Variants in SLTM observed in about 807,000 individuals in gnomAD.
SLTM encodes the protein SAFB-like transcription modulator.
A neutral mutation model predicts 134.6 loss-of-function variants in SLTM; 43 were observed. That is an observed-to-expected ratio of 0.32 (90% CI 0.25 to 0.41). The LOEUF (loss-of-function observed/expected upper bound fraction) is 0.41, where lower values mean the gene tolerates loss of function less well. Ranked by LOEUF, SLTM falls within the 10% of genes least tolerant of loss-of-function variation. The probability of loss-of-function intolerance (pLI) is 1.00; values close to 1 mark genes in which losing one functional copy is unlikely to be tolerated. For missense variants in SLTM, 1,055 were observed against 1,288.8 expected, an observed-to-expected ratio of 0.82 and a Z score of 2.78; for synonymous variants, 424 against 432.3, an observed-to-expected ratio of 0.98 and a Z score of 0.24.
At chr15:58,919,463 C>T (rs562576691) in intron 2 of SLTM, among the ~76,000 whole-genome samples, 4 of 152,024 alleles carry the variant, frequency 2.6e-5, no homozygotes, top group South Asian at 4.2e-4. Flanking sequence ...AGCTGGGTGT[C>T]GCGGTGTATG....
At chr15:58,917,217 A>G (rs182367661) in intron 2 of SLTM, among the ~76,000 whole-genome samples, 1 of 152,196 alleles carries the variant, frequency 6.6e-6, no homozygotes, top group Non-Finnish European at 1.5e-5. Context: ...AGAATCCTAC[A>G]TATGAACCCA....
chr15:58,897,003 G>C (rs538480450), intron 9 of SLTM, 112 bp downstream of exon 9: 6 of 695,414 alleles, frequency 8.6e-6, no homozygotes, highest in South Asian at 7.0e-5. Context: ...TCTATTAACA[G>C]TCCTAAGAGA....
chr15:58,894,009 A>G (rs2034873169), intron 11 of SLTM, 22 bp from the exon 12 acceptor site: 1 of 1,601,720 alleles, frequency 6.2e-7, no homozygotes, highest in South Asian at 1.1e-5. Context: ...GCCCCAGACA[A>G]AAAAACAGAA....
Position 58,897,327 on chromosome 15 carries a change from A to T in SLTM, c.1109-94T>A, listed in dbSNP as rs573186849. ...ACATTCTTTCAAAACTATAATTTTGATAGTATGACGTTACTATATCAAAAT... is the reference window on the plus strand; with the variant it reads ...ACATTCTTTCAAAACTATAATTTTGTTAGTATGACGTTACTATATCAAAAT... On this transcript the variant is annotated intron_variant, in intron 8 of 20. Coordinates refer to ENST00000380516, the MANE Select transcript of SLTM (RefSeq NM_024755.4). 246 of 714,346 alleles carry T rather than the reference A, an allele frequency of 3.4e-4. No homozygotes were observed. The East Asian group carries it at 6.1e-3, about 18-fold the overall frequency. The allele number at this position is 714,346 out of a possible 1,614,324, so 44.3% of individuals were successfully genotyped here. A position where few individuals can be genotyped will look rare whatever the true frequency, so the allele number is the denominator to read the frequency against.
At chr15:58,906,394 G>C (rs1384945045) in intron 5 of SLTM, among the ~76,000 whole-genome samples, 2 of 152,158 alleles carry the variant, frequency 1.3e-5, no homozygotes, top group African/African-American at 4.8e-5. Flanking sequence ...TATCTTCACA[G>C]TGGGATGTGC....
chr15:58,907,417 T>A (rs2035937587), intron 5 of SLTM, among the ~76,000 whole-genome samples: 1 of 151,666 alleles, frequency 6.6e-6, no homozygotes, highest in Non-Finnish European at 1.5e-5. Flanking sequence ...GGCTCAGGAG[T>A]TTGAGACCAG....
intron 17 of SLTM, among the ~76,000 whole-genome samples, chr15:58,887,895 A>T (rs1476288658): frequency 6.6e-6 from 1 of 152,164 alleles, no homozygotes; most frequent in African/African-American, 2.4e-5. Flanking sequence ...TCAGGCCTGT[A>T]ATCTCAGCAC....
rs771447823 is a variant in SLTM, at chr15:58,933,391, C to T, written c.162+13G>A. The T allele has an allele frequency of 5.7e-6, 9 of 1,572,076 alleles. No individual in the cohort carries two copies. The highest frequency in any genetic ancestry group is 7.8e-6 in the Non-Finnish European group (9 of 1,158,832). On this transcript the variant is annotated intron_variant, in intron 1 of 20. Transcript: ENST00000380516. ...CCCCTTCCCGGTCCTTTCCGGTCCT[C>T]GCCGGGCCTCACCTGCTTGAGTCGG... is the stretch of plus-strand genomic sequence containing the variant.
chr15:58,913,958 T>C (rs2036456522), intron 3 of SLTM, among the ~76,000 whole-genome samples: 2 of 152,198 alleles, frequency 1.3e-5, no homozygotes, highest in South Asian at 2.1e-4. Context: ...ATGCTCTAAA[T>C]TCCAGTTATT....
At chr15:58,925,337 G>C (rs2037382951) in intron 2 of SLTM, among the ~76,000 whole-genome samples, 1 of 151,976 alleles carries the variant, frequency 6.6e-6, no homozygotes, top group African/African-American at 2.4e-5. Flanking sequence ...GTCACTCTGA[G>C]TTTTTTGTTT....
chr15:58,883,560 A>G (rs1164566535), intron 20 of SLTM, 66 bp downstream of exon 20: 2 of 1,589,030 alleles, frequency 1.3e-6, no homozygotes, highest in African/African-American at 2.7e-5. Flanking sequence ...CAGAAACTAT[A>G]ATGACTTTTA....
chr15:58,894,090 T>C lies in SLTM; in HGVS notation c.1481A>G (p.Lys494Arg). 3 of 1,599,298 alleles carry C rather than the reference T, an allele frequency of 1.9e-6. No individual in the cohort carries two copies. The highest frequency in any genetic ancestry group is 2.6e-6 in the Non-Finnish European group (3 of 1,173,790). Residue 494 changes from lysine (K) to arginine (R), a missense_variant and splice_region_variant, in exon 11 of 21, where the codon AAG (lysine) becomes AGG (arginine). Coordinates refer to ENST00000380516, the MANE Select transcript of SLTM (RefSeq NM_024755.4). ...DKKNTSDRSS[K>R]TQASVKKEEK... Reference sequence around the variant, plus strand: ...TAAATAAATAAAAATAAATCCTTACTTGCTACTTCTATCACTCGTATTTTT... The same window carrying C: ...TAAATAAATAAAAATAAATCCTTACCTGCTACTTCTATCACTCGTATTTTT...
At chr15:58,884,481 G>C (rs1418800601) in intron 19 of SLTM, among the ~76,000 whole-genome samples, 1 of 151,908 alleles carries the variant, frequency 6.6e-6, no homozygotes, top group African/African-American at 2.4e-5. Context: ...AGCACGCCCA[G>C]CTAATTTTTG....
chr15:58,904,471 G>C (rs2035727240), intron 5 of SLTM, among the ~76,000 whole-genome samples: 1 of 151,260 alleles, frequency 6.6e-6, no homozygotes, highest in East Asian at 1.9e-4. Flanking sequence ...AAATAGTCCA[G>C]AACAAGTAAA....
chr15:58,893,314 G>C lies in SLTM; in HGVS notation c.1699C>G (p.His567Asp). The change falls in exon 13 of 21, where the codon CAT (histidine) becomes GAT (aspartate). Residue 567 changes from histidine to aspartate, a missense_variant. Physicochemically the swap from His to Asp is moderately conservative, Grantham distance 81 (BLOSUM62 -1). This residue lies in a region of SLTM where 776 missense variants were observed against 962.2 expected (regional missense o/e 0.81). Transcript: ENST00000380516. ...CTTCCTCTTCTTGATGGTCTACAAT[G>C]ATCTCCTTTAGTTTGGTCTAGTATT... ...MVILDQTKGDHCRPSRRGRYE... is the reference protein window; with the variant it reads ...MVILDQTKGDDCRPSRRGRYE... 1 of 1,611,434 alleles carries C rather than the reference G, an allele frequency of 6.2e-7. No homozygotes were observed. The highest frequency in any genetic ancestry group is 1.1e-5 in the South Asian group (1 of 90,828).
chr15:58,898,768 C>A, intron 8 of SLTM, 35 bp downstream of exon 8: 2 of 1,500,668 alleles, frequency 1.3e-6, no homozygotes, highest in South Asian at 2.3e-5. Flanking sequence ...TACACAATGT[C>A]AACACTGAAA....
At chr15:58,901,428 G>A in intron 5 of SLTM, 141 bp from the exon 6 acceptor site, 1 of 674,006 alleles carries the variant, frequency 1.5e-6, no homozygotes, top group Non-Finnish European at 2.5e-6. Context: ...AAATAAATAG[G>A]CTATTCCAAT....
At chr15:58,922,066 T>C (rs1204733995) in intron 2 of SLTM, among the ~76,000 whole-genome samples, 6 of 152,086 alleles carry the variant, frequency 3.9e-5, no homozygotes, top group Non-Finnish European at 5.9e-5. Flanking sequence ...CCATACAAAA[T>C]ATAACTCATT....
At chr15:58,897,643 GCAAGGTATACATTTTTCA>G (rs1472710293) in intron 8 of SLTM, 1 of 154,148 alleles carries the variant, frequency 6.5e-6, no homozygotes, top group African/African-American at 2.4e-5. Flanking sequence ...AAAAGTCAGA[GCAAGGTATACATTTTTCA>G]AGAATTTATA....
Sources: gnomAD v4.1 joint callset for allele counts (sites outside exome capture counted in the v4.1 genomes callset) on GRCh38, gnomAD v4.1.1 for gene constraint, gnomAD v4.1.1 regional missense constraint, MANE v1.5 for transcripts, NCBI Gene and HGNC (gene_info 2026-07-23, HGNC 2026-07-21) for gene names.